ZNF880: variants seen among roughly 807,000 people sequenced by gnomAD.
ZNF880 encodes the protein zinc finger protein 880.
Under a neutral mutation model 11.8 loss-of-function variants are expected in ZNF880, and 12 were observed. The observed-to-expected ratio is 1.02, with a 90% CI of 0.65 to 1.65. The LOEUF is 1.65. ZNF880 is among the 40% of genes most tolerant of loss of function. The probability of loss-of-function intolerance (pLI) is 0.00; values close to 1 mark genes in which losing one functional copy is unlikely to be tolerated. For synonymous variants in ZNF880, 210 were observed against 232.4 expected (o/e 0.90, Z 0.88); for missense variants, 601 against 673.9 (o/e 0.89, Z 1.20).
chr19:52,370,861 G>T (rs375349326), intron 1 of ZNF880, among the ~76,000 whole-genome samples: 123 of 152,308 alleles, frequency 8.1e-4, no homozygotes, highest in African/African-American at 2.9e-3. Flanking sequence ...GTCATTTGAG[G>T]CCAGGAATTC....
rs528402600 is a variant in ZNF880, at chr19:52,384,275, G to T, written c.695G>T (p.Arg232Ile). The T allele has an allele frequency of 1.4e-5, 22 of 1,613,532 alleles. No homozygotes were observed. The highest frequency in any genetic ancestry group is 1.6e-4 in the Middle Eastern group (1 of 6,084). Residue 232 changes from arginine to isoleucine, a missense_variant, in exon 4 of 4, where the codon AGA (arginine) becomes ATA (isoleucine). Physicochemically the swap from Arg to Ile is moderately conservative, Grantham distance 97. Transcript: ENST00000422689. Reference sequence around the variant, plus strand: ...AGTTCAAACCTTGTACAACATCAAAGAATTCATACTGGAGAGAAGCCTTAC... The same window carrying T: ...AGTTCAAACCTTGTACAACATCAAATAATTCATACTGGAGAGAAGCCTTAC... ...SNSSNLVQHQ[R>I]IHTGEKPYKC...
the ZNF880 span, among the ~76,000 whole-genome samples, chr19:52,393,426 G>A: frequency 2.1e-5 from 3 of 145,702 alleles, no homozygotes; most frequent in African/African-American, 7.7e-5. Context: ...TTTTTTTTCT[G>A]GGACAGATTC....
At chr19:52,387,920 CAG>C (rs1316331594), downstream of ZNF880, among the ~76,000 whole-genome samples, 2 of 104,758 alleles carry the variant, frequency 1.9e-5, no homozygotes, top group Admixed American at 1.2e-4. Context: ...TTTTTTGAGA[CAG>C]AGTCTGGAGT....
At chr19:52,377,169 C>T (rs1986579775) in intron 3 of ZNF880, among the ~76,000 whole-genome samples, 1 of 152,080 alleles carries the variant, frequency 6.6e-6, no homozygotes, top group South Asian at 2.1e-4. Context: ...GACCTGCCTC[C>T]TTGACCTGTG....
the ZNF880 span, among the ~76,000 whole-genome samples, chr19:52,392,059 A>T: frequency 2.0e-5 from 3 of 152,148 alleles, no homozygotes; most frequent in Non-Finnish European, 2.9e-5. Context: ...ATCTCACAGG[A>T]GGCTGAGGGC....
At chr19:52,394,183 T>TTTTC in the ZNF880 span, among the ~76,000 whole-genome samples, 4 of 151,958 alleles carry the variant, frequency 2.6e-5, no homozygotes, top group Non-Finnish European at 1.5e-5. Context: ...TAGTATTTTA[T>TTTTC]TTTTAATATC....
At chr19:52,370,484 G>C (rs1986333479) in intron 1 of ZNF880, 1 of 157,754 alleles carries the variant, frequency 6.3e-6, no homozygotes, top group African/African-American at 2.4e-5. Flanking sequence ...ATGGCAAACC[G>C]CGATCACTTT....
At chr19:52,386,188 AG>A (rs1300489901), downstream of ZNF880, among the ~76,000 whole-genome samples, 9 of 135,736 alleles carry the variant, frequency 6.6e-5, 1 homozygote, top group East Asian at 1.1e-3. Context: ...AAAAAAAAAA[AG>A]AAAGAAAAAG....
chr19:52,374,774 C>T (rs1986504771), intron 3 of ZNF880: 3 of 543,786 alleles, frequency 5.5e-6, no homozygotes, highest in Admixed American at 3.1e-5. Flanking sequence ...TGCTCTGTTG[C>T]CCAGGCTGGA....
chr19:52,384,843 A>C lies in ZNF880; in HGVS notation c.1263A>C (p.Ser421=). The change falls in exon 4 of 4, where the codon TCA becomes TCC. Residue 421 remains serine, a synonymous_variant. Coordinates refer to ENST00000422689, the MANE Select transcript of ZNF880 (RefSeq NM_001145434.2). The stretch of plus-strand genomic sequence containing the variant: ...GTGGCAAAGCATTTAGAGACTGTTC[A>C]GGCCTTACTGCCCATCTACTAATTC... ...NECGKAFRDC[S]GLTAHLLIHT... The C allele has an allele frequency of 7.6e-7, 1 of 1,317,990 alleles. No individual in the cohort carries two copies. The highest frequency in any genetic ancestry group is 1.0e-6 in the Non-Finnish European group (1 of 986,888). 81.6% of individuals were successfully genotyped at this position (1,317,990 alleles called of 1,614,324 possible).
At chr19:52,393,361 C>A in the ZNF880 span, among the ~76,000 whole-genome samples, 1 of 152,046 alleles carries the variant, frequency 6.6e-6, no homozygotes, top group Non-Finnish European at 1.5e-5. Context: ...GTGTGAGCCA[C>A]CATGCCTGGC....
the ZNF880 span, among the ~76,000 whole-genome samples, chr19:52,393,883 C>T: frequency 7.8e-6 from 1 of 128,362 alleles, no homozygotes; most frequent in Non-Finnish European, 1.6e-5. Context: ...GTCGCCCAGG[C>T]TGGAGTGCAG....
In ZNF880 at chr19:52,384,736, G is replaced by A; in HGVS notation, c.1156G>A (p.Gly386Ser). 1 of 1,613,204 alleles carries A rather than the reference G, an allele frequency of 6.2e-7. No homozygotes were observed. Among genetic ancestry groups the A allele is most frequent in the East Asian group, 2.2e-5 (1 of 44,856 alleles). ...GEKPYECKEC[G>S]KVFRHKFCLT... ...GAAACCTTATGAATGTAAAGAATGT[G>A]GCAAGGTCTTCAGGCACAAGTTTTG... The change falls in exon 4 of 4, where the codon GGC becomes AGC. Residue 386 changes from glycine to serine, a missense_variant. Around this residue, in one of 3 missense-constraint regions of ZNF880, gnomAD observed 4 missense variants for 16.7 expected, o/e 0.24. Transcript: ENST00000422689.
chr19:52,380,445 G>T lies in ZNF880; in HGVS notation c.269-3404G>T, dbSNP rs1053095725. On this transcript the variant is annotated intron_variant, in intron 3 of 3. Transcript: ENST00000422689. ...ATTTGTATATCACCTCTGGAAAAATGTGTATTCCATTCTTTTCCTTATTTC... is the reference window on the plus strand; with the variant it reads ...ATTTGTATATCACCTCTGGAAAAATTTGTATTCCATTCTTTTCCTTATTTC... 6.6e-5 allele frequency among the ~76,000 whole-genome samples: 10 copies of T among 151,962 alleles called. No homozygotes were observed. In the East Asian group the frequency reaches 1.7e-3, roughly 26 times the overall value.
chr19:52,376,509 CTT>C (rs869288387), intron 3 of ZNF880, among the ~76,000 whole-genome samples: 4 of 58,308 alleles, frequency 6.9e-5, no homozygotes, highest in African/African-American at 2.2e-4. Context: ...CCCCCCCCCC[CTT>C]TTTTTTTTTT....
In ZNF880 at chr19:52,374,427, G is replaced by A. The variant is rs1273905566; in HGVS notation, c.268G>A (p.Glu90Lys). 1 of 1,610,626 alleles carries A rather than the reference G, an allele frequency of 6.2e-7. No homozygotes were observed. The highest frequency in any genetic ancestry group is 1.7e-5 in the Admixed American group (1 of 59,304). Residue 90 changes from glutamate (E) to lysine (K), a missense_variant and splice_region_variant, in exon 3 of 4, where the codon GAG (glutamate) becomes AAG (lysine). By Grantham distance (56) the Glu-to-Lys change is moderately conservative. Around this residue, in one of 3 missense-constraint regions of ZNF880, gnomAD observed 420 missense variants for 442.6 expected, o/e 0.95. Transcript: ENST00000422689. ...GRECIKGVNAESSSKLGSNAG... is the reference protein window; with the variant it reads ...GRECIKGVNAKSSSKLGSNAG... ...GGAGTGCATCAAAGGTGTGAACGCA[G>A]GTAAGAGCTTGGATGGCCAGAGTGG...
the ZNF880 span, chr19:52,397,660 G>A: frequency 6.6e-6 from 1 of 151,988 alleles, no homozygotes; most frequent in Non-Finnish European, 1.5e-5. Context: ...ATTTTGCTCT[G>A]CGCAGGTAAG....
At chr19:52,376,028 C>T (rs1450959438) in intron 3 of ZNF880, among the ~76,000 whole-genome samples, 1 of 152,162 alleles carries the variant, frequency 6.6e-6, no homozygotes, top group African/African-American at 2.4e-5. Flanking sequence ...GAATAGCATT[C>T]CATATTAGTA....
downstream of ZNF880, among the ~76,000 whole-genome samples, chr19:52,388,536 A>G (rs1263653389): frequency 6.6e-6 from 1 of 151,890 alleles, no homozygotes; most frequent in Non-Finnish European, 1.5e-5. Flanking sequence ...TCAGCCTCCC[A>G]AAGTACTGAG....
Sources: gnomAD v4.1 joint callset for allele counts (sites outside exome capture counted in the v4.1 genomes callset) on GRCh38, gnomAD v4.1.1 for gene constraint, gnomAD v4.1.1 regional missense constraint, MANE v1.5 for transcripts, NCBI Gene and HGNC (gene_info 2026-07-23, HGNC 2026-07-21) for gene names.